Variants in BMPR1A observed in about 807,000 individuals in gnomAD.
BMPR1A encodes the protein bone morphogenetic protein receptor type-1A.
A neutral mutation model predicts 66.0 loss-of-function variants in BMPR1A; 7 were observed. The ratio of observed to expected loss-of-function variants is 0.11; its 90% CI spans 0.06 to 0.20. The LOEUF is 0.20. Among genes scored for constraint, BMPR1A ranks in the 10% least tolerant of loss-of-function variants. The probability of loss-of-function intolerance (pLI) is 1.00; values close to 1 mark genes in which losing one functional copy is unlikely to be tolerated. For missense variants in BMPR1A, 408 were observed against 669.1 expected (o/e 0.61, Z 4.31); for synonymous variants, 200 against 229.7 (o/e 0.87, Z 1.17).
intron 7 of BMPR1A, among the ~76,000 whole-genome samples, chr10:86,909,762 T>A (rs1398844536): frequency 6.6e-6 from 1 of 152,076 alleles, no homozygotes; most frequent in African/African-American, 2.4e-5. Flanking sequence ...GGTAGGCGAA[T>A]AAAGATGCTT....
At chr10:86,918,903 C>T (rs1459004016) in intron 9 of BMPR1A, among the ~76,000 whole-genome samples, 5 of 152,152 alleles carry the variant, frequency 3.3e-5, no homozygotes, top group Admixed American at 2.0e-4. Flanking sequence ...AGGTGTGAGC[C>T]ACCACACCCA....
At chr10:86,860,675 C>T (rs1842701349) in intron 2 of BMPR1A, among the ~76,000 whole-genome samples, 1 of 149,636 alleles carries the variant, frequency 6.7e-6, no homozygotes, top group African/African-American at 2.5e-5. Flanking sequence ...GAGGCTGAGG[C>T]AGGAGAATTG....
At chr10:86,908,846 T>C (rs1174655134) in intron 7 of BMPR1A, among the ~76,000 whole-genome samples, 1 of 152,162 alleles carries the variant, frequency 6.6e-6, no homozygotes, top group African/African-American at 2.4e-5. Context: ...GGTCCTCCTG[T>C]AGGATCCTAT....
intron 2 of BMPR1A, among the ~76,000 whole-genome samples, chr10:86,872,136 G>C (rs1842862021): frequency 6.6e-6 from 1 of 152,168 alleles, no homozygotes; most frequent in African/African-American, 2.4e-5. Flanking sequence ...AGATTTGATG[G>C]CTGTTCTCCA....
At chr10:86,848,797 T>G (rs1842522844) in intron 2 of BMPR1A, among the ~76,000 whole-genome samples, 1 of 152,222 alleles carries the variant, frequency 6.6e-6, no homozygotes, top group Non-Finnish European at 1.5e-5. Flanking sequence ...TGGTCTGTAA[T>G]TTTTCCAGCA....
intron 10 of BMPR1A, among the ~76,000 whole-genome samples, chr10:86,919,717 T>G (rs1454764221): frequency 6.6e-6 from 1 of 151,656 alleles, no homozygotes; most frequent in African/African-American, 2.4e-5. Flanking sequence ...TTGTTTTTTG[T>G]TTTTTTTAAA....
upstream of BMPR1A, chr10:86,756,586 C>T (rs1847865896): frequency 6.6e-6 from 1 of 150,912 alleles, no homozygotes; most frequent in Non-Finnish European, 1.5e-5. Context: ...TCCCCCAGGC[C>T]CCCGCACCCG....
intron 3 of BMPR1A, among the ~76,000 whole-genome samples, chr10:86,878,736 G>C (rs1842950834): frequency 6.6e-6 from 1 of 152,176 alleles, no homozygotes; most frequent in Admixed American, 6.5e-5. Flanking sequence ...CACAGATTTT[G>C]TCTTAAGTCT....
chr10:86,761,212 A>G (rs967804082), intron 1 of BMPR1A, among the ~76,000 whole-genome samples: 1 of 152,246 alleles, frequency 6.6e-6, no homozygotes, highest in Non-Finnish European at 1.5e-5. Context: ...TATATAACTA[A>G]TGAGTAGACA....
intron 7 of BMPR1A, among the ~76,000 whole-genome samples, chr10:86,911,824 C>T (rs894975404): frequency 6.6e-6 from 1 of 151,864 alleles, no homozygotes; most frequent in East Asian, 1.9e-4. Flanking sequence ...GAAAAAAATT[C>T]AATTTTGCTA....
At chr10:86,916,740 G>A (rs932813167) in intron 8 of BMPR1A, among the ~76,000 whole-genome samples, 25 of 152,142 alleles carry the variant, frequency 1.6e-4, no homozygotes, top group Non-Finnish European at 2.6e-4. Flanking sequence ...TGTAATCCCA[G>A]CATTATGGGA....
At chr10:86,799,454 C>T (rs561109441) in intron 1 of BMPR1A, among the ~76,000 whole-genome samples, 56 of 147,678 alleles carry the variant, frequency 3.8e-4, no homozygotes, top group African/African-American at 1.4e-3. Flanking sequence ...TGTACATTTT[C>T]TTTCTTCCTT....
intron 1 of BMPR1A, among the ~76,000 whole-genome samples, chr10:86,835,551 A>G (rs1842333676): frequency 2.2e-5 from 1 of 45,416 alleles, no homozygotes; most frequent in African/African-American, 7.1e-5. Flanking sequence ...CTCTGTATCA[A>G]AAAAAAAAAA....
At chr10:86,804,325 C>T (rs1042004829) in intron 1 of BMPR1A, among the ~76,000 whole-genome samples, 2 of 152,164 alleles carry the variant, frequency 1.3e-5, no homozygotes, top group Non-Finnish European at 1.5e-5. Context: ...ACTGCAACTC[C>T]ACCTCGTGGG....
chr10:86,925,044 A>C lies in BMPR1A; in HGVS notation c.*1325A>C, dbSNP rs1192597735. ...TGTCAAATATGTTCTGGACAGCTAAATCATTTGAGATTTTTGGTTTTTTGA... is the reference window on the plus strand; with the variant it reads ...TGTCAAATATGTTCTGGACAGCTAACTCATTTGAGATTTTTGGTTTTTTGA... On this transcript the variant is annotated 3_prime_UTR_variant, in exon 13 of 13. Transcript: ENST00000372037. 1.3e-5 allele frequency: 3 copies of C among 232,096 alleles called. No homozygotes were observed. Among genetic ancestry groups the C allele is most frequent in the Admixed American group, 5.6e-5 (1 of 17,764 alleles). The allele number at this position is 232,096 out of a possible 1,614,324, so 14.4% of individuals were successfully genotyped here. A position where few individuals can be genotyped will look rare whatever the true frequency, so the allele number is the denominator to read the frequency against.
chr10:86,758,170 G>A (rs1031919737), intron 1 of BMPR1A, among the ~76,000 whole-genome samples: 13 of 152,200 alleles, frequency 8.5e-5, no homozygotes, highest in African/African-American at 3.1e-4. Context: ...CGATTGAAAT[G>A]TAGAATGCGT....
chr10:86,767,744 C>G (rs1448142479), intron 1 of BMPR1A, among the ~76,000 whole-genome samples: 1 of 145,722 alleles, frequency 6.9e-6, no homozygotes, highest in Non-Finnish European at 1.5e-5. Context: ...CCTGAACTCC[C>G]TTGTCTGCCT....
At chr10:86,913,580 T>C (rs946126161) in intron 8 of BMPR1A, among the ~76,000 whole-genome samples, 1 of 152,176 alleles carries the variant, frequency 6.6e-6, no homozygotes, top group Non-Finnish European at 1.5e-5. Flanking sequence ...TAAATGACTT[T>C]ATCAGGTTGC....
chr10:86,890,947 T>C (rs1009305152), intron 4 of BMPR1A, among the ~76,000 whole-genome samples: 31 of 152,228 alleles, frequency 2.0e-4, no homozygotes, highest in Admixed American at 3.9e-4. Context: ...CATTGACATA[T>C]TGACTTAATA....
Sources: allele counts gnomAD v4.1 joint callset (sites outside exome capture counted in the v4.1 genomes callset), GRCh38; gene constraint gnomAD v4.1.1; transcripts MANE v1.5; gene names NCBI Gene and HGNC (gene_info 2026-07-23, HGNC 2026-07-21).